Variants in FHIT observed in about 807,000 individuals in gnomAD.
FHIT encodes the protein bis(5'-adenosyl)-triphosphatase.
FHIT carries 19 observed loss-of-function variants against 17.9 expected under a neutral mutation model. The observed-to-expected ratio is 1.06, with a 90% CI of 0.74 to 1.56. FHIT has a LOEUF of 1.56. FHIT is among the 40% of genes most tolerant of loss of function. The pLI is 0.00. For synonymous variants in FHIT, 81 were observed against 69.7 expected, an observed-to-expected ratio of 1.16 and a Z score of -0.81; for missense variants, 248 against 189.2, an observed-to-expected ratio of 1.31 and a Z score of -1.82.
intron 4 of FHIT, among the ~76,000 whole-genome samples, chr3:60,820,998 C>T (rs1376340678): frequency 1.0e-4 from 14 of 139,086 alleles, no homozygotes; most frequent in African/African-American, 3.6e-4. Flanking sequence ...GTTTTTTTGG[C>T]AGGGTCTCAC....
chr3:60,540,044 C>T (rs2036134542), intron 4 of FHIT, among the ~76,000 whole-genome samples: 1 of 151,988 alleles, frequency 6.6e-6, no homozygotes, highest in South Asian at 2.1e-4. Context: ...ACTCCTCAAT[C>T]TCCCAGGAAG....
chr3:60,036,879 T>C (rs1164599347), intron 5 of FHIT, among the ~76,000 whole-genome samples: 1 of 152,230 alleles, frequency 6.6e-6, no homozygotes, highest in Non-Finnish European at 1.5e-5. Flanking sequence ...TTAAAGCTTC[T>C]AAGCTGTTTA....
Position 60,468,630 on chromosome 3 carries a change from ACTAT to A in FHIT, c.103+68226_103+68229del, listed in dbSNP as rs148517391. Among the ~76,000 whole-genome samples, 105 of 152,236 alleles carry A rather than the reference ACTAT, an allele frequency of 6.9e-4. 2 individuals carry two copies. The East Asian group carries it at 0.016, about 24-fold the overall frequency. On this transcript the variant is annotated intron_variant, in intron 5 of 9. Coordinates refer to ENST00000492590, the MANE Select transcript of FHIT (RefSeq NM_002012.4). ...TTTTTGTTGTTTCTGTTTATATCAT[ACTAT>A]CTATGTCTTGAAAAGTTGTGGTTAT...
intron 1 of FHIT, among the ~76,000 whole-genome samples, chr3:61,226,115 A>G (rs1253817020): frequency 6.6e-6 from 1 of 152,176 alleles, no homozygotes; most frequent in Non-Finnish European, 1.5e-5. Context: ...TTCCCTGTCT[A>G]AAGAACACAA....
intron 4 of FHIT, among the ~76,000 whole-genome samples, chr3:60,589,114 C>G (rs570700956): frequency 3.3e-5 from 5 of 152,142 alleles, no homozygotes; most frequent in Non-Finnish European, 5.9e-5. Flanking sequence ...GACCACCTTC[C>G]TTGGTGCTAA....
At chr3:61,099,984 T>G (rs7638707) in intron 2 of FHIT, among the ~76,000 whole-genome samples, 64,614 of 151,992 alleles carry the variant, frequency 0.43, 16,013 homozygotes, top group Non-Finnish European at 0.56. Flanking sequence ...TATTGTTGTC[T>G]GGTTTAGTGG....
chr3:60,319,059 T>C (rs183124301), intron 5 of FHIT, among the ~76,000 whole-genome samples: 5 of 152,266 alleles, frequency 3.3e-5, no homozygotes, highest in Admixed American at 1.3e-4. Flanking sequence ...ATGACTACCC[T>C]GCACCCACCC....
At chr3:61,151,214 C>T (rs992496617) in intron 2 of FHIT, among the ~76,000 whole-genome samples, 1 of 152,114 alleles carries the variant, frequency 6.6e-6, no homozygotes, top group African/African-American at 2.4e-5. Flanking sequence ...GAACTAGAGA[C>T]CAAATGTATG....
In FHIT at chr3:60,155,120, G is replaced by A. The variant is rs371458636; in HGVS notation, c.104-140968C>T. ...GAGGACCACCTGAGCCCAGGAGGTC[G>A]AGGCTGCATAAGCCATGATCATGCC... is the stretch of plus-strand genomic sequence containing the variant. On this transcript the variant is annotated intron_variant, in intron 5 of 9. Coordinates refer to ENST00000492590, the MANE Select transcript of FHIT (RefSeq NM_002012.4). Among the ~76,000 whole-genome samples, 8 of 150,674 alleles carry A rather than the reference G, an allele frequency of 5.3e-5. 2 individuals are homozygous for A. Among genetic ancestry groups the A allele is most frequent in the East Asian group, 3.9e-4 (2 of 5,074 alleles).
intron 8 of FHIT, among the ~76,000 whole-genome samples, chr3:59,829,832 G>C (rs1014920058): frequency 2.0e-5 from 3 of 152,080 alleles, no homozygotes; most frequent in African/African-American, 7.2e-5. Flanking sequence ...TCTTATAAGG[G>C]AGTTTGTAAG....
intron 5 of FHIT, among the ~76,000 whole-genome samples, chr3:60,285,871 A>G (rs1048746847): frequency 2.0e-5 from 3 of 152,160 alleles, no homozygotes; most frequent in African/African-American, 7.2e-5. Flanking sequence ...CACCTTAAAT[A>G]TTTGTCTTTT....
intron 3 of FHIT, among the ~76,000 whole-genome samples, chr3:61,007,333 G>A (rs1178362297): frequency 1.3e-5 from 2 of 152,180 alleles, no homozygotes; most frequent in Non-Finnish European, 2.9e-5. Context: ...GCCTGAGAGT[G>A]TAATCGTTTT....
chr3:60,478,575 T>G (rs1426515300), intron 5 of FHIT, among the ~76,000 whole-genome samples: 3 of 152,096 alleles, frequency 2.0e-5, no homozygotes, highest in Admixed American at 2.0e-4. Context: ...ATGGTGATGG[T>G]GGTGATGATG....
chr3:59,950,532 C>T (rs1707063462), intron 7 of FHIT, among the ~76,000 whole-genome samples: 1 of 127,964 alleles, frequency 7.8e-6, no homozygotes, highest in Non-Finnish European at 1.6e-5. Context: ...GAGTACTTGC[C>T]ACTGTCTAAA....
intron 8 of FHIT, among the ~76,000 whole-genome samples, chr3:59,836,405 A>G (rs978173003): frequency 1.3e-5 from 2 of 152,178 alleles, no homozygotes; most frequent in African/African-American, 2.4e-5. Context: ...GACCCAGGAC[A>G]TAAGTGGCAG....
chr3:59,765,113 T>G (rs1701731097), intron 8 of FHIT, among the ~76,000 whole-genome samples: 1 of 152,156 alleles, frequency 6.6e-6, no homozygotes, highest in Non-Finnish European at 1.5e-5. Context: ...GCTGAAATAT[T>G]ATAGAGAGTT....
At chr3:60,104,519 A>G (rs1301745051) in intron 5 of FHIT, among the ~76,000 whole-genome samples, 1 of 151,638 alleles carries the variant, frequency 6.6e-6, no homozygotes, top group Non-Finnish European at 1.5e-5. Context: ...GGGCTTATAG[A>G]ATAGAAAGAG....
chr3:60,563,841 A>T (rs2037039843), intron 4 of FHIT, among the ~76,000 whole-genome samples: 1 of 152,208 alleles, frequency 6.6e-6, no homozygotes, highest in Admixed American at 6.5e-5. Context: ...CATAATATAA[A>T]ATGTCGAGGT....
intron 5 of FHIT, among the ~76,000 whole-genome samples, chr3:60,030,497 T>C (rs1700955940): frequency 6.6e-6 from 1 of 152,202 alleles, no homozygotes; most frequent in African/African-American, 2.4e-5. Flanking sequence ...TCCCATCCCA[T>C]GAAGGTATCC....
Sources: gnomAD v4.1 joint callset for allele counts (sites outside exome capture counted in the v4.1 genomes callset) on GRCh38, gnomAD v4.1.1 for gene constraint, MANE v1.5 for transcripts, NCBI Gene and HGNC (gene_info 2026-07-23, HGNC 2026-07-21) for gene names.